The following PELI2 variants were observed in gnomAD, a reference collection of about 807,000 sequenced individuals.
The protein encoded by PELI2 is E3 ubiquitin-protein ligase pellino homolog 2.
Under a neutral mutation model 42.3 loss-of-function variants are expected in PELI2, and 23 were observed. That is an observed-to-expected ratio of 0.54 (90% CI 0.39 to 0.77). The LOEUF (loss-of-function observed/expected upper bound fraction) is 0.77. Ranked by LOEUF, PELI2 falls within the 30% of genes least tolerant of loss-of-function variation. The pLI is 0.00. For missense variants in PELI2, 463 were observed against 553.2 expected (o/e 0.84, Z 1.64); for synonymous variants, 245 against 212.2 (o/e 1.15, Z -1.34).
intron 2 of PELI2, among the ~76,000 whole-genome samples, chr14:56,255,484 C>T (rs901044184): frequency 1.3e-5 from 2 of 149,548 alleles, no homozygotes; most frequent in African/African-American, 4.9e-5. Flanking sequence ...CAGGGCCTGT[C>T]GGGGTGGGGG....
At chr14:56,218,986 A>G (rs1395073423) in intron 2 of PELI2, among the ~76,000 whole-genome samples, 2 of 152,158 alleles carry the variant, frequency 1.3e-5, no homozygotes, top group African/African-American at 4.8e-5. Context: ...CACTGCTTTT[A>G]CCTGGATTTA....
chr14:56,297,002 A>T lies in PELI2; in HGVS notation c.1099A>T (p.Thr367Ser). The T allele has an allele frequency of 6.2e-7, 1 of 1,613,416 alleles. No homozygotes were observed. Among genetic ancestry groups the T allele is most frequent in the Non-Finnish European group, 8.5e-7 (1 of 1,179,914 alleles). Residue 367 changes from threonine to serine, a missense_variant, in exon 6 of 6, where the codon ACT (threonine) becomes TCT (serine). Physicochemically the swap from Thr to Ser is moderately conservative, Grantham distance 58. This residue lies in a region of PELI2 where 103 missense variants were observed against 129.6 expected (regional missense o/e 0.80). Coordinates refer to ENST00000267460, the MANE Select transcript of PELI2 (RefSeq NM_021255.3). ...CGCAGGACCGCCAACTCATGCTTTCACTCCCTGTGGACACGTGTGCTCGGA... is the reference window on the plus strand; with the variant it reads ...CGCAGGACCGCCAACTCATGCTTTCTCTCCCTGTGGACACGTGTGCTCGGA... The part of the protein sequence containing the change: ...VDAGPPTHAF[T>S]PCGHVCSEKS...
intron 1 of PELI2, among the ~76,000 whole-genome samples, chr14:56,121,677 C>G (rs8018061): frequency 0.077 from 11,750 of 152,240 alleles, 555 homozygotes; most frequent in South Asian, 0.24. Flanking sequence ...GGTGGGTGAC[C>G]TGAATAAGCC....
rs537489836 is a variant in PELI2 at position 56,265,892 on chromosome 14, G to A, written c.208-13784G>A. ...GAAATACAGATTAAAACCACAATGA[G>A]ATATCACTACACACTCATATGTATG... On this transcript the variant is annotated intron_variant, in intron 2 of 5. Coordinates refer to ENST00000267460, the MANE Select transcript of PELI2 (RefSeq NM_021255.3). 1.4e-3 allele frequency among the ~76,000 whole-genome samples: 207 copies of A among 152,046 alleles called. 2 individuals carry two copies. The highest frequency in any genetic ancestry group is 2.5e-3 in the Non-Finnish European group (170 of 67,854).
intron 1 of PELI2, among the ~76,000 whole-genome samples, chr14:56,177,710 T>C (rs961485590): frequency 6.6e-6 from 1 of 152,200 alleles, no homozygotes; most frequent in African/African-American, 2.4e-5. Context: ...CTAAAACTCA[T>C]GTGTATATTT....
intron 2 of PELI2, among the ~76,000 whole-genome samples, chr14:56,247,483 G>A (rs1448365462): frequency 1.3e-5 from 2 of 152,160 alleles, no homozygotes; most frequent in Admixed American, 6.5e-5. Context: ...ACATATAAAT[G>A]TACATTTATC....
chr14:56,149,622 A>G (rs535955261), intron 1 of PELI2, among the ~76,000 whole-genome samples: 2 of 152,022 alleles, frequency 1.3e-5, no homozygotes, highest in African/African-American at 4.8e-5. Context: ...TTTTAAAACT[A>G]CATCACAGTG....
chr14:56,182,895 G>C (rs1036443365), intron 2 of PELI2, among the ~76,000 whole-genome samples: 2 of 152,158 alleles, frequency 1.3e-5, no homozygotes, highest in African/African-American at 4.8e-5. Flanking sequence ...CTGTCTGTCT[G>C]CCGAGCCTGT....
At chr14:56,150,771 C>A (rs905662458) in intron 1 of PELI2, among the ~76,000 whole-genome samples, 11 of 152,058 alleles carry the variant, frequency 7.2e-5, no homozygotes, top group Non-Finnish European at 1.6e-4. Flanking sequence ...ATACAGAAAA[C>A]CTTTACTAGG....
At chr14:56,233,730 G>A (rs1371640371) in intron 2 of PELI2, among the ~76,000 whole-genome samples, 3 of 152,152 alleles carry the variant, frequency 2.0e-5, no homozygotes, top group African/African-American at 4.8e-5. Context: ...GAAAGCAATG[G>A]CAACAAAAGG....
At chr14:56,296,211 G>C (rs1043412802) in intron 5 of PELI2, among the ~76,000 whole-genome samples, 3 of 152,214 alleles carry the variant, frequency 2.0e-5, no homozygotes, top group African/African-American at 4.8e-5. Flanking sequence ...AGATGAGGAT[G>C]AGTCTCCACT....
chr14:56,249,147 T>C (rs1888258169), intron 2 of PELI2, among the ~76,000 whole-genome samples: 1 of 152,180 alleles, frequency 6.6e-6, no homozygotes, highest in Non-Finnish European at 1.5e-5. Context: ...AGGTCTCTTT[T>C]AGTTTCCAAA....
chr14:56,299,118 A>G lies in PELI2; in HGVS notation c.*1952A>G, dbSNP rs942430529. The G allele has an allele frequency of 6.6e-6, 1 of 152,194 alleles. No individual in the cohort carries two copies. Among genetic ancestry groups the G allele is most frequent in the Non-Finnish European group, 1.5e-5 (1 of 68,028 alleles). The allele number at this position is 152,194 out of a possible 1,614,324, so 9.4% of individuals were successfully genotyped here. A position where few individuals can be genotyped will look rare whatever the true frequency, so the allele number is the denominator to read the frequency against. On this transcript the variant is annotated 3_prime_UTR_variant, in exon 6 of 6. Coordinates refer to ENST00000267460, the MANE Select transcript of PELI2 (RefSeq NM_021255.3). ...CGTTCTCTTTTCTTGCTGTATGCCT[A>G]GAAAGTGGTTGAAGGATTCTTGATG...
Position 56,246,259 on chromosome 14 carries a change from A to G in PELI2, c.208-33417A>G, listed in dbSNP as rs550678862. Among the ~76,000 whole-genome samples the G allele has an allele frequency of 2.6e-5, 4 of 152,278 alleles. No individual in the cohort carries two copies. The South Asian group carries it at 8.3e-4, about 32-fold the overall frequency. ...ACTGGGCAACTTGGTACCATTTTCA[A>G]CAGCTGTAACTGTTACAAGGTTTAT... On this transcript the variant is annotated intron_variant, in intron 2 of 5. Coordinates refer to ENST00000267460, the MANE Select transcript of PELI2 (RefSeq NM_021255.3).
chr14:56,192,787 C>T (rs1885998543), intron 2 of PELI2, among the ~76,000 whole-genome samples: 2 of 152,156 alleles, frequency 1.3e-5, no homozygotes, highest in South Asian at 4.2e-4. Context: ...TTAAGAATGG[C>T]ACCTGGTGTG....
intron 2 of PELI2, among the ~76,000 whole-genome samples, chr14:56,198,309 T>C (rs116838280): frequency 3.0e-4 from 46 of 152,042 alleles, no homozygotes; most frequent in African/African-American, 1.1e-3. Flanking sequence ...AATTCAACCA[T>C]GTAGAGAGGG....
At chr14:56,278,657 TTTTACTG>T (rs1470279045) in intron 2 of PELI2, among the ~76,000 whole-genome samples, 9 of 152,286 alleles carry the variant, frequency 5.9e-5, no homozygotes, top group African/African-American at 1.9e-4. Context: ...ATTTGGAATG[TTTTACTG>T]TTTATTGCTG....
chr14:56,291,741 C>T (rs1040462580), intron 5 of PELI2, among the ~76,000 whole-genome samples: 6 of 152,182 alleles, frequency 3.9e-5, no homozygotes, highest in South Asian at 2.1e-4. Flanking sequence ...TTAACATTTC[C>T]GACATGAGCT....
intron 2 of PELI2, among the ~76,000 whole-genome samples, chr14:56,206,754 A>G (rs1372560487): frequency 6.6e-6 from 1 of 151,884 alleles, no homozygotes; most frequent in Non-Finnish European, 1.5e-5. Flanking sequence ...TCAATCTAAT[A>G]CCAATTTTCC....
Sources: gnomAD v4.1 joint callset for allele counts (sites outside exome capture counted in the v4.1 genomes callset) on GRCh38, gnomAD v4.1.1 for gene constraint, gnomAD v4.1.1 regional missense constraint, MANE v1.5 for transcripts, NCBI Gene and HGNC (gene_info 2026-07-23, HGNC 2026-07-21) for gene names.